CDH13: variants seen among roughly 807,000 people sequenced by gnomAD.
CDH13 encodes cadherin-13.
In CDH13, 24 loss-of-function variants were observed where a neutral mutation model predicts 63.8. The observed-to-expected ratio is 0.38, with a 90% CI of 0.27 to 0.53. The LOEUF is 0.53. Ranked by LOEUF, CDH13 falls within the 20% of genes least tolerant of loss-of-function variation. The pLI, the probability that CDH13 is intolerant of heterozygous loss-of-function variation, is 0.85. For missense variants in CDH13, 1,049 were observed against 903.1 expected (o/e 1.16, Z -2.07); for synonymous variants, 503 against 355.3 (o/e 1.42, Z -4.67).
At chr16:83,262,097 C>T (rs964496797) in intron 5 of CDH13, among the ~76,000 whole-genome samples, 5 of 152,150 alleles carry the variant, frequency 3.3e-5, no homozygotes, top group African/African-American at 1.2e-4. Context: ...GTGGAGTTTC[C>T]CAAAACATCC....
At chr16:83,009,624 C>T (rs1913912370) in intron 2 of CDH13, among the ~76,000 whole-genome samples, 1 of 152,180 alleles carries the variant, frequency 6.6e-6, no homozygotes, top group Admixed American at 6.5e-5. Flanking sequence ...AGCCAATATT[C>T]TCTCTGCATA....
intron 5 of CDH13, among the ~76,000 whole-genome samples, chr16:83,270,544 G>A: frequency 6.6e-6 from 1 of 152,194 alleles, no homozygotes; most frequent in Non-Finnish European, 1.5e-5. Context: ...GAAAAGACAT[G>A]AGTATGCAAA....
chr16:82,917,197 A>G (rs2042015806), intron 2 of CDH13, among the ~76,000 whole-genome samples: 1 of 152,148 alleles, frequency 6.6e-6, no homozygotes, highest in South Asian at 2.1e-4. Flanking sequence ...GACCGCATTA[A>G]CTCTAAAGAA....
intron 3 of CDH13, among the ~76,000 whole-genome samples, chr16:83,087,754 A>T (rs534483424): frequency 6.7e-6 from 1 of 149,484 alleles, no homozygotes; most frequent in Admixed American, 6.8e-5. Context: ...TCATACTTTC[A>T]TTGAATTTTT....
chr16:83,207,453 CACACATGTAG>C (rs2039214931), intron 4 of CDH13, among the ~76,000 whole-genome samples: 1 of 152,184 alleles, frequency 6.6e-6, no homozygotes, highest in Non-Finnish European at 1.5e-5. Context: ...TTTATATTTA[CACACATGTAG>C]ACACATACAA....
chr16:82,748,719 G>A (rs2126369), intron 1 of CDH13, among the ~76,000 whole-genome samples: 38,854 of 152,002 alleles, frequency 0.26, 5,981 homozygotes, highest in South Asian at 0.38. Context: ...GAGAGCTGGG[G>A]TACACGTAGA....
chr16:83,017,005 G>A (rs947714593), intron 2 of CDH13, among the ~76,000 whole-genome samples: 14 of 152,124 alleles, frequency 9.2e-5, no homozygotes, highest in African/African-American at 2.9e-4. Flanking sequence ...GTGTTGATCC[G>A]TAGGAACTTC....
At chr16:83,104,057 A>C (rs1056366813) in intron 3 of CDH13, among the ~76,000 whole-genome samples, 1 of 152,210 alleles carries the variant, frequency 6.6e-6, no homozygotes, top group African/African-American at 2.4e-5. Context: ...GCAGACTTTG[A>C]AGAAGGAGAC....
At chr16:83,418,835 C>G (rs1487425383) in intron 6 of CDH13, among the ~76,000 whole-genome samples, 1 of 152,160 alleles carries the variant, frequency 6.6e-6, no homozygotes, top group African/African-American at 2.4e-5. Flanking sequence ...CCTTCCCTTT[C>G]CTTCTTTTCT....
intron 1 of CDH13, among the ~76,000 whole-genome samples, chr16:82,793,099 C>T (rs2036401355): frequency 6.6e-6 from 1 of 152,208 alleles, no homozygotes; most frequent in South Asian, 2.1e-4. Flanking sequence ...AGCACTAAGG[C>T]ATTTCAGGGG....
chr16:83,277,768 G>C (rs769135219), intron 5 of CDH13, among the ~76,000 whole-genome samples: 5 of 151,916 alleles, frequency 3.3e-5, no homozygotes, highest in Non-Finnish European at 5.9e-5. Context: ...GGAAAATACA[G>C]TTTTTAATTT....
intron 1 of CDH13, among the ~76,000 whole-genome samples, chr16:82,762,988 A>C (rs2034910590): frequency 6.6e-6 from 1 of 152,220 alleles, no homozygotes; most frequent in Admixed American, 6.5e-5. Flanking sequence ...AGTACAAAAC[A>C]GGACATTCGT....
intron 3 of CDH13, among the ~76,000 whole-genome samples, chr16:83,054,917 T>G (rs2030761272): frequency 6.6e-6 from 1 of 152,136 alleles, no homozygotes; most frequent in African/African-American, 2.4e-5. Context: ...CGTGGAATAC[T>G]TATCAATATA....
In CDH13 at chr16:83,655,795, A is replaced by G. The variant is rs150279115; in HGVS notation, c.1102-14995A>G. On this transcript the variant is annotated intron_variant, in intron 8 of 13. Coordinates refer to ENST00000567109, the MANE Select transcript of CDH13 (RefSeq NM_001257.5). ...AGTGGCTTCATTGAATCAATGAATC[A>G]TGTTTAAATTTGTAACAAAATGACT... Among the ~76,000 whole-genome samples, 510 of 152,286 alleles carry G rather than the reference A, an allele frequency of 3.3e-3. 7 individuals are homozygous for G. Among genetic ancestry groups the G allele is most frequent in the African/African-American group, 0.012 (490 of 41,558 alleles).
intron 7 of CDH13, among the ~76,000 whole-genome samples, chr16:83,574,556 A>T (rs1598313823): frequency 6.6e-6 from 1 of 152,156 alleles, no homozygotes; most frequent in East Asian, 1.9e-4. Context: ...TGGCCTCACC[A>T]CTTACCAACC....
chr16:82,627,506 G>C (rs922104358), intron 1 of CDH13, among the ~76,000 whole-genome samples: 1 of 152,136 alleles, frequency 6.6e-6, no homozygotes, highest in African/African-American at 2.4e-5. Flanking sequence ...ATTGGAGAAA[G>C]ACTCAGTTAG....
chr16:83,383,690 C>T (rs914196000), intron 6 of CDH13, among the ~76,000 whole-genome samples: 3 of 152,066 alleles, frequency 2.0e-5, no homozygotes, highest in African/African-American at 7.2e-5. Flanking sequence ...TCATATTTGG[C>T]CAGGGGGAGC....
chr16:83,002,157 T>G (rs1913004042), intron 2 of CDH13, among the ~76,000 whole-genome samples: 2 of 152,188 alleles, frequency 1.3e-5, no homozygotes, highest in Non-Finnish European at 2.9e-5. Context: ...GATTGTGACC[T>G]TCTTTGGAAA....
At chr16:83,423,650 C>T (rs1379959085) in intron 6 of CDH13, among the ~76,000 whole-genome samples, 1 of 152,204 alleles carries the variant, frequency 6.6e-6, no homozygotes, top group South Asian at 2.1e-4. Context: ...CCAGAGGCAA[C>T]TGCAGCAATC....
Sources: gnomAD v4.1 joint callset for allele counts (sites outside exome capture counted in the v4.1 genomes callset) on GRCh38, gnomAD v4.1.1 for gene constraint, MANE v1.5 for transcripts, NCBI Gene and HGNC (gene_info 2026-07-23, HGNC 2026-07-21) for gene names.